Variants in TRPC3 observed in about 807,000 individuals in gnomAD.
The protein encoded by TRPC3 is short transient receptor potential channel 3.
Under a neutral mutation model 90.9 loss-of-function variants are expected in TRPC3, and 54 were observed. The ratio of observed to expected loss-of-function variants is 0.59; its 90% confidence interval spans 0.48 to 0.75. The LOEUF (loss-of-function observed/expected upper bound fraction) is 0.75. Ranked by LOEUF, TRPC3 falls within the 30% of genes least tolerant of loss-of-function variation. The pLI, the probability that TRPC3 is intolerant of heterozygous loss-of-function variation, is 0.00. For synonymous variants in TRPC3, 424 were observed against 450.9 expected (o/e 0.94, Z 0.75); for missense variants, 918 against 1,194.5 (o/e 0.77, Z 3.41).
At position 121,932,190 on chromosome 4, in the gene TRPC3, G is replaced by C; in HGVS notation, c.987+81C>G. On this transcript the variant is annotated intron_variant, in intron 2 of 11. Transcript: ENST00000379645. The surrounding 1 kb of genome is among the most constrained non-coding windows in gnomAD (Gnocchi z 7.7). ...CACTGGGCAAAACCGAATGTGGAGC[G>C]AACGGTGGCAGAGCAGGCCAGGCAG... 1 of 1,554,198 alleles carries C rather than the reference G, an allele frequency of 6.4e-7. No individual in the cohort carries two copies. Among genetic ancestry groups the C allele is most frequent in the Non-Finnish European group, 8.7e-7 (1 of 1,149,026 alleles).
chr4:121,950,714 G>C (rs1421177385), intron 1 of TRPC3: 3 of 152,412 alleles, frequency 2.0e-5, no homozygotes, highest in East Asian at 1.9e-4. Context: ...GAGCCCGCGC[G>C]CCGGGGCGCG....
intron 10 of TRPC3, among the ~76,000 whole-genome samples, chr4:121,883,430 A>C (rs1728008770): frequency 6.6e-6 from 1 of 152,172 alleles, no homozygotes; most frequent in Admixed American, 6.5e-5. Flanking sequence ...AAGAACTTTA[A>C]TTCAATAAGA....
chr4:121,921,642 T>G (rs1375170183), intron 3 of TRPC3, among the ~76,000 whole-genome samples: 1 of 152,130 alleles, frequency 6.6e-6, no homozygotes, highest in African/African-American at 2.4e-5. Context: ...AATATGAGTT[T>G]ATTATGTTAT....
chr4:121,927,573 CAT>C (rs149803249), intron 2 of TRPC3, among the ~76,000 whole-genome samples: 76 of 152,192 alleles, frequency 5.0e-4, no homozygotes, highest in African/African-American at 1.1e-3. Context: ...TTAAAAAAGA[CAT>C]GTGAAAAATT....
rs558421807 is a variant in TRPC3 at position 121,874,646 on chromosome 4, T to G, written c.*5090A>C. Among the ~76,000 whole-genome samples, 3 of 152,356 alleles carry G rather than the reference T, an allele frequency of 2.0e-5. No homozygotes were observed. The highest frequency in any genetic ancestry group is 4.8e-5 in the African/African-American group (2 of 41,594). On this transcript the variant is annotated 3_prime_UTR_variant, in exon 12 of 12. Coordinates refer to ENST00000379645, the MANE Select transcript of TRPC3 (RefSeq NM_001130698.2). ...GTGGTCCTCCCTCTATGTCTGTCTGTGTCTCATCTTGTCTTTTTATAAGCA... is the reference window on the plus strand; with the variant it reads ...GTGGTCCTCCCTCTATGTCTGTCTGGGTCTCATCTTGTCTTTTTATAAGCA...
chr4:121,881,397 A>C (rs1382727959), intron 11 of TRPC3, among the ~76,000 whole-genome samples: 5 of 150,706 alleles, frequency 3.3e-5, no homozygotes, highest in Non-Finnish European at 5.9e-5. Flanking sequence ...CTCCCTCTCC[A>C]CCCCCCATGG....
chr4:121,894,212 C>T (rs189124626), intron 10 of TRPC3, among the ~76,000 whole-genome samples: 187 of 151,834 alleles, frequency 1.2e-3, no homozygotes, highest in African/African-American at 4.4e-3. Context: ...TGATGGAATA[C>T]AATGTAACTA....
chr4:121,923,681 G>C (rs1434760716), intron 3 of TRPC3, among the ~76,000 whole-genome samples: 2 of 152,232 alleles, frequency 1.3e-5, no homozygotes, highest in Non-Finnish European at 2.9e-5. Context: ...CTAGTGAGCA[G>C]ATGGAGGCTT....
In TRPC3 at chr4:121,911,911, T is replaced by C. The variant is rs1337433753; in HGVS notation, c.1524A>G (p.Thr508=). 5.0e-6 allele frequency: 8 copies of C among 1,613,702 alleles called. No individual in the cohort carries two copies. Among genetic ancestry groups the C allele is most frequent in the Non-Finnish European group, 6.8e-6 (8 of 1,179,770 alleles). ...QIFRVKTTQF[T]WTEMLIMVWV... The stretch of plus-strand genomic sequence containing the variant: ...AGACCATAATTAGCATTTCAGTCCA[T>C]GTAAACTGGGTGGTTTTCACCCTGA... Residue 508 remains threonine (T), a synonymous_variant, in exon 5 of 12, where the codon ACA becomes ACG. Coordinates refer to ENST00000379645, the MANE Select transcript of TRPC3 (RefSeq NM_001130698.2).
intron 3 of TRPC3, among the ~76,000 whole-genome samples, chr4:121,919,794 G>A (rs1042157399): frequency 1.3e-5 from 2 of 152,174 alleles, no homozygotes; most frequent in Admixed American, 6.5e-5. Flanking sequence ...GAGCAGAAAC[G>A]AAGAACTCAG....
At chr4:121,925,299 T>A in intron 2 of TRPC3, 93 bp from the exon 3 acceptor site, 2 of 1,358,208 alleles carry the variant, frequency 1.5e-6, no homozygotes, top group South Asian at 3.1e-5. Flanking sequence ...ATCCCTTCTT[T>A]TGGGGGTAGA....
Position 121,911,985 on chromosome 4 carries a change from T to C in TRPC3, c.1450A>G (p.Ile484Val). 4 of 1,613,974 alleles carry C rather than the reference T, an allele frequency of 2.5e-6. No homozygotes were observed. The highest frequency in any genetic ancestry group is 3.4e-6 in the Non-Finnish European group (4 of 1,179,896). ...ACTGTGATATTGGGCAGCGTGGTGATGCCTTCGAACCTGTCTGAGGCATTG... is the reference window on the plus strand; with the variant it reads ...ACTGTGATATTGGGCAGCGTGGTGACGCCTTCGAACCTGTCTGAGGCATTG... ...VFNASDRFEG[I>V]TTLPNITVTD... The change falls in exon 5 of 12, where the codon ATC (isoleucine) becomes GTC (valine). Residue 484 changes from isoleucine to valine, a missense_variant. Physicochemically the swap from Ile to Val is conservative, Grantham distance 29. Around this residue, in one of 4 missense-constraint regions of TRPC3, gnomAD observed 609 missense variants for 725.9 expected, o/e 0.84. Transcript: ENST00000379645.
Position 121,949,939 on chromosome 4 carries a change from A to C in TRPC3, c.215+1527T>G, listed in dbSNP as rs925245064. 3.3e-5 allele frequency among the ~76,000 whole-genome samples: 5 copies of C among 152,150 alleles called. No individual in the cohort carries two copies. The South Asian group carries it at 8.3e-4, about 25-fold the overall frequency. On this transcript the variant is annotated intron_variant, in intron 1 of 11. Coordinates refer to ENST00000379645, the MANE Select transcript of TRPC3 (RefSeq NM_001130698.2). ...AGTTCCGGTGTTTCATGTAGTCAGG[A>C]TTTAAGGTTTTTAAAAAAGAAGAAT...
intron 10 of TRPC3, among the ~76,000 whole-genome samples, chr4:121,890,445 T>C (rs1728285925): frequency 3.3e-5 from 5 of 152,120 alleles, no homozygotes; most frequent in Admixed American, 3.3e-4. Flanking sequence ...GTATGCATAA[T>C]TATAATGTGT....
At chr4:121,902,782 A>C in intron 9 of TRPC3, 70 bp downstream of exon 9, 2 of 1,206,798 alleles carry the variant, frequency 1.7e-6, no homozygotes, top group Non-Finnish European at 2.3e-6. Context: ...ATTATTGAAC[A>C]AACATCAGAA....
At chr4:121,885,612 C>T (rs1728089690) in intron 10 of TRPC3, among the ~76,000 whole-genome samples, 1 of 152,116 alleles carries the variant, frequency 6.6e-6, no homozygotes, top group South Asian at 2.1e-4. Context: ...ATTATCTATG[C>T]TTCTGTAAAG....
intron 2 of TRPC3, among the ~76,000 whole-genome samples, chr4:121,928,155 T>A (rs2149138825): frequency 6.6e-6 from 1 of 152,258 alleles, no homozygotes; most frequent in African/African-American, 2.4e-5. Context: ...ACCTAAATAA[T>A]GACTCATTAC....
chr4:121,890,557 GA>G (rs1479166024), intron 10 of TRPC3, among the ~76,000 whole-genome samples: 1 of 152,190 alleles, frequency 6.6e-6, no homozygotes, highest in Non-Finnish European at 1.5e-5. Flanking sequence ...GGTAGATATG[GA>G]AGACAGTCAA....
intron 1 of TRPC3, chr4:121,950,399 C>T (rs1730677644): frequency 6.6e-6 from 1 of 152,354 alleles, no homozygotes; most frequent in African/African-American, 2.4e-5. Context: ...GAACCACCTC[C>T]CCGGCTCAGC....
Sources: gnomAD v4.1 joint callset for allele counts (sites outside exome capture counted in the v4.1 genomes callset) on GRCh38, gnomAD v4.1.1 for gene constraint, gnomAD v4.1.1 regional missense constraint, Gnocchi (gnomAD v3.1) non-coding constraint, MANE v1.5 for transcripts, NCBI Gene and HGNC (gene_info 2026-07-23, HGNC 2026-07-21) for gene names.